OVCH1: variants seen among roughly 807,000 people sequenced by gnomAD.
OVCH1 encodes the protein ovochymase 1.
Under a neutral mutation model 138.4 loss-of-function variants are expected in OVCH1, and 139 were observed. The ratio of observed to expected loss-of-function variants is 1.00; its 90% CI spans 0.87 to 1.16. OVCH1 has a LOEUF of 1.16. OVCH1 is among the 50% of genes most tolerant of loss of function. OVCH1 has a pLI of 0.00. For missense variants in OVCH1, 1,367 were observed against 1,357.9 expected, an observed-to-expected ratio of 1.01 and a Z score of -0.11; for synonymous variants, 453 against 467.8, an observed-to-expected ratio of 0.97 and a Z score of 0.41.
chr12:29,479,614 C>T (rs1019578453), intron 8 of OVCH1, among the ~76,000 whole-genome samples: 1 of 152,160 alleles, frequency 6.6e-6, no homozygotes, highest in African/African-American at 2.4e-5. Flanking sequence ...CACCTGAATG[C>T]AAAGCAATCT....
At chr12:29,416,307 C>G (rs939228113) in intron 3 of OVCH1, among the ~76,000 whole-genome samples, 1 of 151,512 alleles carries the variant, frequency 6.6e-6, no homozygotes. Context: ...TTGAACGGAG[C>G]AATTGGACTT....
exon 4 of OVCH1, chr12:29,495,455 T>C: frequency 6.2e-7 from 1 of 1,611,534 alleles, no homozygotes; most frequent in East Asian, 2.2e-5. Flanking sequence ...CTTCAGCTGC[T>C]TCCTAAAACC....
At chr12:29,435,309 A>C (rs536052615) in intron 26 of OVCH1, among the ~76,000 whole-genome samples, 21 of 152,306 alleles carry the variant, frequency 1.4e-4, no homozygotes, top group African/African-American at 5.1e-4. Context: ...CACTACGATC[A>C]TATCTATGAA....
At chr12:29,420,008 A>C (rs1941081414) in intron 3 of OVCH1, among the ~76,000 whole-genome samples, 1 of 152,226 alleles carries the variant, frequency 6.6e-6, no homozygotes, top group Admixed American at 6.5e-5. Context: ...ATTTGAGCAG[A>C]TAGAAGGAAC....
downstream of OVCH1, among the ~76,000 whole-genome samples, chr12:29,411,533 C>T (rs939037184): frequency 6.6e-6 from 1 of 152,044 alleles, no homozygotes; most frequent in Non-Finnish European, 1.5e-5. Flanking sequence ...ACAGGACTCT[C>T]AGCTGCAGGT....
intron 8 of OVCH1, among the ~76,000 whole-genome samples, chr12:29,480,215 G>C (rs1942885789): frequency 6.6e-6 from 1 of 152,088 alleles, no homozygotes; most frequent in South Asian, 2.1e-4. Context: ...CACTTGCTAA[G>C]CACTTCAATG....
At chr12:29,430,199 A>G (rs970114382) in intron 27 of OVCH1, among the ~76,000 whole-genome samples, 11 of 152,206 alleles carry the variant, frequency 7.2e-5, no homozygotes, top group Admixed American at 6.5e-4. Flanking sequence ...TGCAAATGCC[A>G]TAGTAATATT....
chr12:29,445,427 TA>T, intron 22 of OVCH1, 24 bp from the exon 23 acceptor site: 1 of 1,583,590 alleles, frequency 6.3e-7, no homozygotes, highest in Non-Finnish European at 8.6e-7. Flanking sequence ...TGAACTCTAG[TA>T]AAAAATAAGA....
downstream of OVCH1, among the ~76,000 whole-genome samples, chr12:29,424,897 C>G (rs1486862734): frequency 1.3e-5 from 2 of 152,168 alleles, no homozygotes; most frequent in Admixed American, 1.3e-4. Flanking sequence ...AAAATTTTTA[C>G]AGCAAATTAT....
chr12:29,475,424 C>T (rs560051244), intron 13 of OVCH1, among the ~76,000 whole-genome samples: 46 of 151,778 alleles, frequency 3.0e-4, no homozygotes, highest in East Asian at 1.2e-3. Flanking sequence ...CCAGTACGCC[C>T]GGAAACTCAA....
Position 29,486,474 on chromosome 12 carries a change from T to A in OVCH1, c.893-126A>T, listed in dbSNP as rs1943110918. 6.8e-6 allele frequency: 5 copies of A among 740,704 alleles called. No individual in the cohort carries two copies. The South Asian group carries it at 1.1e-4, about 16-fold the overall frequency. 45.9% of individuals were successfully genotyped at this position (740,704 alleles called of 1,614,324 possible). On this transcript the variant is annotated intron_variant, in intron 7 of 27. Coordinates refer to ENST00000318184, the Ensembl canonical transcript of OVCH1. ...TCTACTAAAATCAATGCAGAGGGAA[T>A]CTTTTCTCAGAGTCAGTAACCCACT...
intron 16 of OVCH1, among the ~76,000 whole-genome samples, chr12:29,469,241 G>C (rs773104266): frequency 1.3e-5 from 2 of 152,168 alleles, no homozygotes; most frequent in African/African-American, 4.8e-5. Flanking sequence ...CATGTTGACT[G>C]TATGAACCCT....
intron 3 of OVCH1, among the ~76,000 whole-genome samples, chr12:29,416,168 A>G (rs933725254): frequency 6.6e-6 from 1 of 152,116 alleles, no homozygotes; most frequent in Non-Finnish European, 1.5e-5. Context: ...AATTAACTGG[A>G]AAGGATCATG....
chr12:29,435,003 G>A (rs1941332296), intron 26 of OVCH1, among the ~76,000 whole-genome samples: 1 of 152,186 alleles, frequency 6.6e-6, no homozygotes. Context: ...CATGGTCTAA[G>A]ACTGGGTCCT....
At chr12:29,464,863 T>G (rs1367269547) in intron 17 of OVCH1, 161 bp from the exon 18 acceptor site, 63 of 713,672 alleles carry the variant, frequency 8.8e-5, no homozygotes, top group Non-Finnish European at 1.0e-4. Context: ...TGGTTTACAA[T>G]TTGCAGGGGG....
intron 16 of OVCH1, among the ~76,000 whole-genome samples, chr12:29,468,176 A>T (rs1942382857): frequency 1.3e-5 from 2 of 152,204 alleles, no homozygotes; most frequent in Non-Finnish European, 2.9e-5. Flanking sequence ...CAGACAGCTG[A>T]AACATTCTTA....
At chr12:29,476,744 T>TAC (rs1202629947) in intron 12 of OVCH1, among the ~76,000 whole-genome samples, 27 of 133,372 alleles carry the variant, frequency 2.0e-4, no homozygotes, top group African/African-American at 6.5e-4. Context: ...GCAGCATAAG[T>TAC]ACACACGCGC....
At chr12:29,465,184 C>T in exon 17 of OVCH1, 1 of 1,605,476 alleles carries the variant, frequency 6.2e-7, no homozygotes, top group Non-Finnish European at 8.5e-7. Context: ...GTCATGGTCC[C>T]CAGCAATAAT....
chr12:29,448,940 C>G (rs1565577523), intron 22 of OVCH1, among the ~76,000 whole-genome samples: 1 of 152,026 alleles, frequency 6.6e-6, no homozygotes, highest in Non-Finnish European at 1.5e-5. Flanking sequence ...CAAATTATTT[C>G]AATCACCTCC....
Sources: allele counts gnomAD v4.1 joint callset (sites outside exome capture counted in the v4.1 genomes callset), GRCh38; gene constraint gnomAD v4.1.1; transcripts MANE v1.5; gene names NCBI Gene and HGNC (gene_info 2026-07-23, HGNC 2026-07-21).